The following MIDEAS variants were observed in gnomAD, a reference collection of about 807,000 sequenced individuals.
MIDEAS encodes mitotic deacetylase-associated SANT domain protein.
Under a neutral mutation model 102.7 loss-of-function variants are expected in MIDEAS, and 26 were observed. That is an observed-to-expected ratio of 0.25 (90% CI 0.19 to 0.35). The LOEUF (loss-of-function observed/expected upper bound fraction) is 0.35, where lower values mean the gene tolerates loss of function less well. MIDEAS is among the 10% of genes least tolerant of loss of function. The pLI is 1.00. For missense variants in MIDEAS, 1,231 were observed against 1,435.6 expected (o/e 0.86, Z 2.30); for synonymous variants, 585 against 591.0 (o/e 0.99, Z 0.15).
At chr14:73,764,078 G>T (rs531236329), upstream of MIDEAS, among the ~76,000 whole-genome samples, 2 of 152,052 alleles carry the variant, frequency 1.3e-5, no homozygotes, top group Non-Finnish European at 2.9e-5. Context: ...CATGGCTCAC[G>T]CCTGTAATCC....
intron 1 of MIDEAS, among the ~76,000 whole-genome samples, chr14:73,771,903 T>C (rs1315152234): frequency 6.6e-6 from 1 of 152,228 alleles, no homozygotes; most frequent in African/African-American, 2.4e-5. Flanking sequence ...CTGCTGCCAG[T>C]TGGAACTGCA....
intron 1 of MIDEAS, among the ~76,000 whole-genome samples, chr14:73,756,290 G>GTGTGTGTGTA (rs1171379889): frequency 2.4e-5 from 2 of 82,118 alleles, no homozygotes; most frequent in African/African-American, 8.0e-5. Flanking sequence ...GTGTGTGTGT[G>GTGTGTGTGTA]TGTGTGCGCG....
intron 1 of MIDEAS, among the ~76,000 whole-genome samples, chr14:73,746,083 C>A (rs146267284): frequency 5.2e-4 from 79 of 152,338 alleles, no homozygotes; most frequent in African/African-American, 1.9e-3. Flanking sequence ...AAAATGCCAA[C>A]CACTGAGATG....
upstream of MIDEAS, among the ~76,000 whole-genome samples, chr14:73,788,105 ACTC>A (rs2053835663): frequency 1.3e-5 from 2 of 151,550 alleles, no homozygotes; most frequent in Non-Finnish European, 2.9e-5. Flanking sequence ...TCAAGGAAGA[ACTC>A]CTGATCTCAT....
chr14:73,727,172 G>A, intron 5 of MIDEAS, 200 bp from the exon 6 acceptor site: 1 of 676,806 alleles, frequency 1.5e-6, no homozygotes, highest in Non-Finnish European at 2.4e-6. Context: ...GGCTGGAGAG[G>A]GGAGAAGCAG....
chr14:73,790,229 T>C (rs895784299), upstream of MIDEAS: 2 of 152,152 alleles, frequency 1.3e-5, no homozygotes, highest in East Asian at 3.8e-4. Context: ...TAAAACAAAG[T>C]TTCAGGAAGC....
intron 1 of MIDEAS, among the ~76,000 whole-genome samples, chr14:73,751,275 G>A (rs1224246577): frequency 6.6e-6 from 1 of 152,252 alleles, no homozygotes; most frequent in Non-Finnish European, 1.5e-5. Flanking sequence ...AGGCCTGCCT[G>A]TTCTGCAAAC....
At chr14:73,748,573 T>C (rs569832434) in intron 1 of MIDEAS, among the ~76,000 whole-genome samples, 8 of 149,566 alleles carry the variant, frequency 5.3e-5, no homozygotes, top group African/African-American at 1.7e-4. Flanking sequence ...AGAGATACCA[T>C]TGTAAACAGT....
intron 11 of MIDEAS, among the ~76,000 whole-genome samples, chr14:73,721,046 T>C (rs1227163851): frequency 6.6e-6 from 1 of 152,232 alleles, no homozygotes; most frequent in Non-Finnish European, 1.5e-5. Flanking sequence ...TCGCAGACTC[T>C]GGATTCAGGC....
intron 12 of MIDEAS, 69 bp downstream of exon 12, chr14:73,719,236 A>ACCCCCCCCCCCCC: frequency 4.8e-6 from 2 of 420,192 alleles, no homozygotes; most frequent in Non-Finnish European, 6.7e-6. Flanking sequence ...CCTCCCCTCC[A>ACCCCCCCCCCCCC]CCCCACCCCC....
At chr14:73,765,727 C>T (rs911433672) in intron 1 of MIDEAS, among the ~76,000 whole-genome samples, 4 of 152,134 alleles carry the variant, frequency 2.6e-5, no homozygotes, top group East Asian at 3.8e-4. Flanking sequence ...CTCCTTCTCT[C>T]GCCACCTTGA....
chr14:73,745,048 G>A (rs1566596337), intron 1 of MIDEAS, among the ~76,000 whole-genome samples: 1 of 152,170 alleles, frequency 6.6e-6, no homozygotes, highest in African/African-American at 2.4e-5. Flanking sequence ...ATTCAAGACT[G>A]CGCCCAAGGT....
intron 1 of MIDEAS, among the ~76,000 whole-genome samples, chr14:73,773,361 A>G (rs1344141365): frequency 6.6e-6 from 1 of 151,778 alleles, no homozygotes; most frequent in African/African-American, 2.4e-5. Flanking sequence ...ATGACGAAGG[A>G]GGACAGAGAG....
Position 73,727,441 on chromosome 14 carries a change from G to A in MIDEAS, c.2162+17C>T, listed in dbSNP as rs1244187024. 16 of 1,613,740 alleles carry A rather than the reference G, an allele frequency of 9.9e-6. No homozygotes were observed. In the Admixed American group the frequency reaches 2.7e-4, roughly 27 times the overall value. The stretch of plus-strand genomic sequence containing the variant: ...TGGCCACCCACACCCCTCGGCCAGG[G>A]GCAGGGCTGCACTTACGGCTCGATG... On this transcript the variant is annotated intron_variant, in intron 5 of 12. Coordinates refer to ENST00000423556, the MANE Select transcript of MIDEAS (RefSeq NM_001367710.1).
At chr14:73,731,533 C>T (rs1444209740) in intron 3 of MIDEAS, among the ~76,000 whole-genome samples, 1 of 150,562 alleles carries the variant, frequency 6.6e-6, no homozygotes, top group East Asian at 1.9e-4. Context: ...AGAAATCTAA[C>T]AAAAAATCAG....
At position 73,725,429 on chromosome 14, in the gene MIDEAS, A is replaced by G; in HGVS notation, c.2486-69T>C. ...CTGGCCACTGCAGGGCAATTTTGAC[A>G]AGCAAAAAAGTGTGAGGCCATCCGC... On this transcript the variant is annotated intron_variant, in intron 8 of 12. Coordinates refer to ENST00000423556, the MANE Select transcript of MIDEAS (RefSeq NM_001367710.1). The surrounding 1 kb of genome is among the most constrained non-coding windows in gnomAD (Gnocchi z 4.1). 1 of 1,334,852 alleles carries G rather than the reference A, an allele frequency of 7.5e-7. No individual in the cohort carries two copies. The highest frequency in any genetic ancestry group is 1.2e-5 in the South Asian group (1 of 85,186). 82.7% of individuals were successfully genotyped at this position (1,334,852 alleles called of 1,614,324 possible).
At chr14:73,783,561 C>G (rs953201552) in intron 1 of MIDEAS, among the ~76,000 whole-genome samples, 4 of 152,188 alleles carry the variant, frequency 2.6e-5, no homozygotes, top group African/African-American at 9.7e-5. Context: ...GGTTGCTGAG[C>G]AGGAAGGTGA....
rs778713314 is a variant in MIDEAS, at chr14:73,722,707, C to T, written c.2715G>A (p.Val905=). The change falls in exon 10 of 13, where the codon GTG becomes GTA. Residue 905 remains valine (V), a synonymous_variant. Coordinates refer to ENST00000423556, the MANE Select transcript of MIDEAS (RefSeq NM_001367710.1). ...DEKSAQEEVE[V]DIKTSQKFPR... is the part of the protein sequence containing the mutation. ...TTGGAAAAGGAGTCACCTTAATATCCACTTCAACCTCTTCCTGGGCCGACT... is the reference window on the plus strand; with the variant it reads ...TTGGAAAAGGAGTCACCTTAATATCTACTTCAACCTCTTCCTGGGCCGACT... 6.2e-7 allele frequency: 1 copy of T among 1,613,954 alleles called. No homozygotes were observed. The highest frequency in any genetic ancestry group is 1.1e-5 in the South Asian group (1 of 91,060).
At chr14:73,733,842 A>G (rs1338548412) in intron 3 of MIDEAS, among the ~76,000 whole-genome samples, 1 of 151,838 alleles carries the variant, frequency 6.6e-6, no homozygotes, top group Non-Finnish European at 1.5e-5. Flanking sequence ...TTACAGGCAC[A>G]CACCATCATG....
Sources: allele counts gnomAD v4.1 joint callset (sites outside exome capture counted in the v4.1 genomes callset), GRCh38; gene constraint gnomAD v4.1.1; non-coding constraint Gnocchi (gnomAD v3.1); transcripts MANE v1.5; gene names NCBI Gene and HGNC (gene_info 2026-07-23, HGNC 2026-07-21).